The following KDM4B variants were observed in gnomAD, a reference collection of about 807,000 sequenced individuals.
The protein encoded by KDM4B is lysine-specific demethylase 4B.
KDM4B carries 32 observed loss-of-function variants against 125.2 expected under a neutral mutation model. That is an observed-to-expected ratio of 0.26 (90% CI 0.19 to 0.34). The LOEUF is 0.34. Ranked by LOEUF, KDM4B falls within the 10% of genes least tolerant of loss-of-function variation. The pLI is 1.00. For missense variants in KDM4B, 1,190 were observed against 1,577.7 expected (o/e 0.75, Z 4.16); for synonymous variants, 721 against 677.9 (o/e 1.06, Z -0.99).
chr19:5,016,774 C>A (rs527302806), intron 2 of KDM4B, among the ~76,000 whole-genome samples: 1 of 152,224 alleles, frequency 6.6e-6, no homozygotes, highest in Admixed American at 6.5e-5. Context: ...ATGGGAGACT[C>A]ATTTTTAAAT....
At chr19:5,090,409 CCCCTCT>C (rs1436949029) in intron 9 of KDM4B, among the ~76,000 whole-genome samples, 2 of 76,484 alleles carry the variant, frequency 2.6e-5, no homozygotes, top group Non-Finnish European at 5.0e-5. Flanking sequence ...TCTCTCTCTC[CCCCTCT>C]CCCCCTCTGT....
At chr19:5,048,058 G>A (rs1018635948) in intron 6 of KDM4B, among the ~76,000 whole-genome samples, 1 of 152,214 alleles carries the variant, frequency 6.6e-6, no homozygotes, top group Non-Finnish European at 1.5e-5. Context: ...GCCCAGAGGG[G>A]CCTGGCCAGG....
chr19:5,091,670 G>GTA (rs2038707247), intron 9 of KDM4B, among the ~76,000 whole-genome samples: 2 of 149,160 alleles, frequency 1.3e-5, no homozygotes. Flanking sequence ...CTTCTGTTTG[G>GTA]TAATGAGGCT....
intron 1 of KDM4B, among the ~76,000 whole-genome samples, chr19:4,985,891 C>T (rs1230239316): frequency 6.6e-6 from 1 of 152,212 alleles, no homozygotes; most frequent in Non-Finnish European, 1.5e-5. Flanking sequence ...CTCAGGAAGC[C>T]TCCCCGGCGC....
intron 6 of KDM4B, among the ~76,000 whole-genome samples, chr19:5,053,388 G>A (rs530157434): frequency 4.6e-5 from 7 of 152,350 alleles, no homozygotes; most frequent in African/African-American, 1.7e-4. Flanking sequence ...CACACACTGA[G>A]CCAGGATGAC....
chr19:5,129,588 T>A (rs1024349028), intron 11 of KDM4B, among the ~76,000 whole-genome samples: 20 of 151,848 alleles, frequency 1.3e-4, no homozygotes, highest in African/African-American at 4.6e-4. Flanking sequence ...TTGGGGGAGG[T>A]GGAGGTGGTG....
chr19:4,977,294 C>G lies in KDM4B; in HGVS notation c.-109+8064C>G, dbSNP rs117050350. Reference sequence around the variant, plus strand: ...TGGACAAAGGCTGAGAATCCCGAGGCCGACTGCCCAGTGGCTGCTGCACCT... The same window carrying G: ...TGGACAAAGGCTGAGAATCCCGAGGGCGACTGCCCAGTGGCTGCTGCACCT... On this transcript the variant is annotated intron_variant, in intron 1 of 22. Transcript: ENST00000159111. Among the ~76,000 whole-genome samples, 185 of 152,344 alleles carry G rather than the reference C, an allele frequency of 1.2e-3. 1 individual carries two copies. The East Asian group carries it at 0.027, about 23-fold the overall frequency.
chr19:5,071,412 T>C (rs1238613533), intron 7 of KDM4B, among the ~76,000 whole-genome samples: 3 of 152,214 alleles, frequency 2.0e-5, no homozygotes, highest in African/African-American at 7.2e-5. Flanking sequence ...GACCCCACAC[T>C]GTGCCCTTGC....
intron 1 of KDM4B, among the ~76,000 whole-genome samples, chr19:4,990,486 G>T (rs2034996855): frequency 6.6e-6 from 1 of 152,214 alleles, no homozygotes; most frequent in Non-Finnish European, 1.5e-5. Context: ...TGAGTCTGAA[G>T]GCAGCGTGGC....
intron 21 of KDM4B, among the ~76,000 whole-genome samples, chr19:5,145,399 G>A (rs1273847997): frequency 6.6e-6 from 1 of 151,978 alleles, no homozygotes; most frequent in Non-Finnish European, 1.5e-5. Context: ...TGGCCAACAT[G>A]GTGAAACCCT....
intron 1 of KDM4B, among the ~76,000 whole-genome samples, chr19:4,998,889 G>A (rs1173247635): frequency 1.3e-5 from 2 of 152,288 alleles, no homozygotes; most frequent in East Asian, 1.9e-4. Flanking sequence ...TCCTGGAGCC[G>A]ACATTGGGTC....
At chr19:5,034,845 G>A (rs1304662170) in intron 3 of KDM4B, among the ~76,000 whole-genome samples, 1 of 152,202 alleles carries the variant, frequency 6.6e-6, no homozygotes, top group Non-Finnish European at 1.5e-5. Flanking sequence ...TTGAGAGGGG[G>A]TCTGGCTCTG....
intron 11 of KDM4B, among the ~76,000 whole-genome samples, chr19:5,124,754 C>T (rs1037043471): frequency 3.3e-5 from 5 of 152,196 alleles, no homozygotes; most frequent in Admixed American, 6.5e-5. Flanking sequence ...CGCCACCATG[C>T]CCTGCTAATT....
At chr19:5,003,637 C>A (rs1390275006) in intron 1 of KDM4B, among the ~76,000 whole-genome samples, 1 of 151,432 alleles carries the variant, frequency 6.6e-6, no homozygotes, top group African/African-American at 2.4e-5. Context: ...GGTGAAACCC[C>A]GTCTCTACTA....
At chr19:5,137,168 C>A in intron 15 of KDM4B, 94 bp from the exon 16 acceptor site, 1 of 815,676 alleles carries the variant, frequency 1.2e-6, no homozygotes, top group Non-Finnish European at 2.0e-6. Context: ...CGGACACTGG[C>A]CCCCAAGTTA....
chr19:5,039,527 G>A (rs1296974778), intron 3 of KDM4B, among the ~76,000 whole-genome samples: 3 of 152,190 alleles, frequency 2.0e-5, no homozygotes, highest in African/African-American at 7.2e-5. Flanking sequence ...CACGCCCAGT[G>A]CCACCTATGT....
intron 1 of KDM4B, among the ~76,000 whole-genome samples, chr19:4,984,697 T>G (rs2034769261): frequency 2.0e-5 from 3 of 152,110 alleles, no homozygotes; most frequent in Admixed American, 6.6e-5. Context: ...GCTTGGGGTG[T>G]GTCTGTGGGT....
chr19:5,033,812 AC>A (rs1175588375), intron 3 of KDM4B, among the ~76,000 whole-genome samples: 1 of 151,940 alleles, frequency 6.6e-6, no homozygotes, highest in Non-Finnish European at 1.5e-5. Flanking sequence ...AGACCCCCGA[AC>A]CCCACATGCT....
intron 6 of KDM4B, among the ~76,000 whole-genome samples, chr19:5,064,154 C>G (rs539231915): frequency 1.6e-4 from 25 of 152,312 alleles, no homozygotes; most frequent in African/African-American, 5.5e-4. Flanking sequence ...ACTTGGGGTC[C>G]CGGGGGCGCC....
Sources: allele counts gnomAD v4.1 joint callset (sites outside exome capture counted in the v4.1 genomes callset), GRCh38; gene constraint gnomAD v4.1.1; transcripts MANE v1.5; gene names NCBI Gene and HGNC (gene_info 2026-07-23, HGNC 2026-07-21).